GIPC2: variants seen among roughly 807,000 people sequenced by gnomAD.
The protein encoded by GIPC2 is GIPC PDZ domain containing family member 2.
GIPC2 carries 30 observed loss-of-function variants against 30.6 expected under a neutral mutation model. That is an observed-to-expected ratio of 0.98 (90% confidence interval 0.73 to 1.33). The LOEUF (loss-of-function observed/expected upper bound fraction) is 1.33, where lower values mean the gene tolerates loss of function less well. Among genes scored for constraint, GIPC2 ranks in the 40% most tolerant of loss-of-function variants. The probability of loss-of-function intolerance (pLI) is 0.00; values close to 1 mark genes in which losing one functional copy is unlikely to be tolerated. For synonymous variants in GIPC2, 167 were observed against 150.0 expected (o/e 1.11, Z -0.83); for missense variants, 414 against 390.3 (o/e 1.06, Z -0.51).
intron 4 of GIPC2, among the ~76,000 whole-genome samples, chr1:78,121,902 G>A (rs1170616770): frequency 6.6e-6 from 1 of 152,206 alleles, no homozygotes; most frequent in Non-Finnish European, 1.5e-5. Context: ...TGAGGAGCCA[G>A]GAGAATGTCA....
chr1:78,128,838 C>A (rs564703007), intron 5 of GIPC2, among the ~76,000 whole-genome samples: 4 of 151,308 alleles, frequency 2.6e-5, no homozygotes, highest in African/African-American at 9.7e-5. Flanking sequence ...AAAACAAAAA[C>A]AAAACAAAAC....
At chr1:78,107,678 A>G (rs953718420) in intron 3 of GIPC2, among the ~76,000 whole-genome samples, 12 of 151,880 alleles carry the variant, frequency 7.9e-5, no homozygotes, top group Non-Finnish European at 8.8e-5. Context: ...TATAAAAATT[A>G]GCCGAACATG....
chr1:78,091,488 C>T lies in GIPC2; in HGVS notation c.427-3464C>T. ...GCTCTACCTTCCCTGTTTTCACCTCCCGCTGCGCTAATGGCTCCCAAAGGC... is the reference window on the plus strand; with the variant it reads ...GCTCTACCTTCCCTGTTTTCACCTCTCGCTGCGCTAATGGCTCCCAAAGGC... On this transcript the variant is annotated intron_variant, in intron 2 of 5. Transcript: ENST00000370759. 3 of 683,456 alleles carry T rather than the reference C, an allele frequency of 4.4e-6. No homozygotes were observed. In the Admixed American group the frequency reaches 6.1e-5, roughly 14 times the overall value. The allele number at this position is 683,456 out of a possible 1,614,324, so 42.3% of individuals were successfully genotyped here. A position where few individuals can be genotyped will look rare whatever the true frequency, so the allele number is the denominator to read the frequency against.
intron 5 of GIPC2, among the ~76,000 whole-genome samples, chr1:78,135,097 G>C (rs1278863193): frequency 2.6e-5 from 4 of 152,188 alleles, no homozygotes; most frequent in Non-Finnish European, 5.9e-5. Context: ...TCCCCAGCTT[G>C]ACTGCTCCAG....
intron 3 of GIPC2, among the ~76,000 whole-genome samples, chr1:78,105,402 T>G (rs1051879799): frequency 6.6e-6 from 1 of 151,746 alleles, no homozygotes; most frequent in African/African-American, 2.4e-5. Flanking sequence ...TTCTCCTGCC[T>G]CAGCCTCCTG....
At chr1:78,103,594 G>A (rs867379684) in intron 3 of GIPC2, among the ~76,000 whole-genome samples, 13 of 152,210 alleles carry the variant, frequency 8.5e-5, no homozygotes, top group African/African-American at 2.7e-4. Flanking sequence ...AGTGGCAGGC[G>A]TAAGTGTGGG....
intron 3 of GIPC2, among the ~76,000 whole-genome samples, chr1:78,100,964 A>G (rs190106486): frequency 0.014 from 2,061 of 150,606 alleles, 69 homozygotes; most frequent in African/African-American, 0.048. Flanking sequence ...ACACACACAC[A>G]CACACACACA....
At chr1:78,134,509 T>G (rs1395419012) in intron 5 of GIPC2, among the ~76,000 whole-genome samples, 1 of 152,096 alleles carries the variant, frequency 6.6e-6, no homozygotes, top group Non-Finnish European at 1.5e-5. Flanking sequence ...CCTGGCCATA[T>G]AGAAGCCCTC....
At chr1:78,059,637 C>A (rs1380561736) in intron 1 of GIPC2, among the ~76,000 whole-genome samples, 1 of 151,998 alleles carries the variant, frequency 6.6e-6, no homozygotes, top group Non-Finnish European at 1.5e-5. Flanking sequence ...CAGCTGTAGT[C>A]CCAAGTTGAA....
At chr1:78,057,535 TC>T (rs1175206170) in intron 1 of GIPC2, among the ~76,000 whole-genome samples, 1 of 152,258 alleles carries the variant, frequency 6.6e-6, no homozygotes, top group Non-Finnish European at 1.5e-5. Flanking sequence ...TGGAGATATT[TC>T]TTCCTGTTAT....
chr1:78,068,286 T>G (rs924146987), intron 1 of GIPC2, among the ~76,000 whole-genome samples: 1 of 152,228 alleles, frequency 6.6e-6, no homozygotes, highest in African/African-American at 2.4e-5. Flanking sequence ...CTCCCCATAC[T>G]CATTAAGTCT....
chr1:78,088,779 A>C lies in GIPC2; in HGVS notation c.427-6173A>C, dbSNP rs139044030. 3.3e-4 allele frequency among the ~76,000 whole-genome samples: 50 copies of C among 151,810 alleles called. 1 individual carries two copies. The East Asian group carries it at 9.5e-3, about 29-fold the overall frequency. ...GAATTGCTTGAGCCTGGGGAACTCAAGGTTGCAGTGAGCCATGATCATGCC... is the reference window on the plus strand; with the variant it reads ...GAATTGCTTGAGCCTGGGGAACTCACGGTTGCAGTGAGCCATGATCATGCC... On this transcript the variant is annotated intron_variant, in intron 2 of 5. Transcript: ENST00000370759.
At chr1:78,084,283 G>A (rs1661886026) in intron 2 of GIPC2, among the ~76,000 whole-genome samples, 1 of 152,168 alleles carries the variant, frequency 6.6e-6, no homozygotes, top group African/African-American at 2.4e-5. Flanking sequence ...GGAGGCTGAG[G>A]TAGGTGGATA....
chr1:78,097,329 A>C (rs1484653645), intron 3 of GIPC2, among the ~76,000 whole-genome samples: 2 of 152,164 alleles, frequency 1.3e-5, no homozygotes, highest in Non-Finnish European at 2.9e-5. Flanking sequence ...AGTCTTAGTG[A>C]GGCAGAGTTT....
intron 1 of GIPC2, chr1:78,069,141 G>C: frequency 1.4e-5 from 13 of 955,698 alleles, no homozygotes; most frequent in Non-Finnish European, 1.6e-5. Context: ...GTCAGCCAGG[G>C]CAGTGCCTGG....
intron 1 of GIPC2, among the ~76,000 whole-genome samples, chr1:78,072,453 A>G (rs1449334418): frequency 7.0e-6 from 1 of 142,588 alleles, no homozygotes; most frequent in Non-Finnish European, 1.6e-5. Flanking sequence ...GTAGCATAAG[A>G]CACTCAGCTT....
In GIPC2 at chr1:78,125,917, G is replaced by T. The variant is rs1662772655; in HGVS notation, c.751G>T (p.Asp251Tyr). ...ETKAKAIEKI[D>Y]DVLELYMGIR... is the part of the protein sequence containing the mutation. Reference sequence around the variant, plus strand: ...CAAAGCAAAGGCAATTGAAAAGATTGATGATGTTCTTGAGTTGTACATGGG... The same window carrying T: ...CAAAGCAAAGGCAATTGAAAAGATTTATGATGTTCTTGAGTTGTACATGGG... Residue 251 changes from aspartate to tyrosine, a missense_variant, in exon 5 of 6, where the codon GAT becomes TAT. Transcript: ENST00000370759. The T allele has an allele frequency of 2.5e-6, 4 of 1,592,202 alleles. No homozygotes were observed. The highest frequency in any genetic ancestry group is 1.1e-5 in the South Asian group (1 of 90,638).
At chr1:78,116,962 A>G (rs1479896425) in intron 3 of GIPC2, among the ~76,000 whole-genome samples, 1 of 152,050 alleles carries the variant, frequency 6.6e-6, no homozygotes, top group Non-Finnish European at 1.5e-5. Context: ...ACTAGTTTAC[A>G]GTCCCACCAA....
intron 5 of GIPC2, among the ~76,000 whole-genome samples, chr1:78,130,744 G>C (rs565248948): frequency 6.6e-6 from 1 of 152,258 alleles, no homozygotes; most frequent in South Asian, 2.1e-4. Flanking sequence ...AGTTACCTAA[G>C]AAGTTAAAAA....
Sources: allele counts gnomAD v4.1 joint callset (sites outside exome capture counted in the v4.1 genomes callset), GRCh38; gene constraint gnomAD v4.1.1; transcripts MANE v1.5; gene names NCBI Gene and HGNC (gene_info 2026-07-23, HGNC 2026-07-21).